The following UBE2E2 variants were observed in gnomAD, a reference collection of about 807,000 sequenced individuals.
The protein encoded by UBE2E2 is ubiquitin conjugating enzyme E2 E2.
UBE2E2 carries 6 observed loss-of-function variants against 24.7 expected under a neutral mutation model. That is an observed-to-expected ratio of 0.24 (90% CI 0.13 to 0.48). The LOEUF is 0.48. UBE2E2 is among the 20% of genes least tolerant of loss of function. The pLI is 0.99. For missense variants in UBE2E2, 169 were observed against 245.0 expected (o/e 0.69, Z 2.07); for synonymous variants, 104 against 83.6 (o/e 1.24, Z -1.33).
At chr3:23,361,643 T>C (rs1696116464) in intron 3 of UBE2E2, among the ~76,000 whole-genome samples, 1 of 152,196 alleles carries the variant, frequency 6.6e-6, no homozygotes, top group Admixed American at 6.6e-5. Context: ...TGCAAAGGCA[T>C]AAGAGTGGTA....
intron 3 of UBE2E2, among the ~76,000 whole-genome samples, chr3:23,365,891 C>G (rs1237801133): frequency 6.6e-6 from 1 of 152,126 alleles, no homozygotes; most frequent in Non-Finnish European, 1.5e-5. Context: ...ACCAAAAAAG[C>G]ACAATAGTGG....
chr3:23,537,922 G>A (rs76330483), intron 5 of UBE2E2, among the ~76,000 whole-genome samples: 132 of 151,838 alleles, frequency 8.7e-4, no homozygotes, highest in African/African-American at 2.9e-3. Context: ...TTTGGGAGCC[G>A]CTAGACTGAT....
At chr3:23,244,487 CT>C (rs1292311979) in intron 3 of UBE2E2, among the ~76,000 whole-genome samples, 8 of 152,114 alleles carry the variant, frequency 5.3e-5, no homozygotes, top group African/African-American at 1.9e-4. Flanking sequence ...AGAGGGCCAA[CT>C]TTTTATTGTT....
At chr3:23,313,849 C>A (rs975352576) in intron 3 of UBE2E2, among the ~76,000 whole-genome samples, 10 of 151,712 alleles carry the variant, frequency 6.6e-5, no homozygotes, top group Non-Finnish European at 1.2e-4. Context: ...TGCCTTCCTG[C>A]CTTCCTTTTA....
chr3:23,327,014 T>C (rs1694909275), intron 3 of UBE2E2, among the ~76,000 whole-genome samples: 1 of 152,240 alleles, frequency 6.6e-6, no homozygotes, highest in Non-Finnish European at 1.5e-5. Context: ...CATCCTTTTT[T>C]ATGGCTGCAT....
chr3:23,249,738 C>T (rs1697521017), intron 3 of UBE2E2, among the ~76,000 whole-genome samples: 1 of 151,902 alleles, frequency 6.6e-6, no homozygotes, highest in African/African-American at 2.4e-5. Context: ...TCACTGCAAG[C>T]TCTGCTTTCT....
chr3:23,239,653 A>G (rs888395916), intron 3 of UBE2E2, among the ~76,000 whole-genome samples: 1 of 152,234 alleles, frequency 6.6e-6, no homozygotes, highest in Non-Finnish European at 1.5e-5. Context: ...CCATTAAAGA[A>G]GAAGGTGAAA....
At chr3:23,361,284 C>T (rs1696106792) in intron 3 of UBE2E2, among the ~76,000 whole-genome samples, 1 of 152,200 alleles carries the variant, frequency 6.6e-6, no homozygotes, top group African/African-American at 2.4e-5. Context: ...CCTTAAAGAA[C>T]TCAAAGTAGA....
intron 5 of UBE2E2, among the ~76,000 whole-genome samples, chr3:23,588,417 T>G (rs1329230686): frequency 1.5e-5 from 2 of 135,608 alleles, no homozygotes; most frequent in African/African-American, 3.0e-5. Flanking sequence ...TTTGTTTTTT[T>G]TTTTTTGTCT....
chr3:23,367,620 A>G (rs1696294487), intron 3 of UBE2E2, among the ~76,000 whole-genome samples: 2 of 152,232 alleles, frequency 1.3e-5, no homozygotes, highest in East Asian at 1.9e-4. Context: ...TGCAGTATCT[A>G]TGTGGAAGTA....
chr3:23,480,552 C>T (rs115587185), intron 3 of UBE2E2, among the ~76,000 whole-genome samples: 4 of 152,084 alleles, frequency 2.6e-5, no homozygotes, highest in South Asian at 2.1e-4. Flanking sequence ...TGCGCCTCCC[C>T]CACTACAGCT....
At chr3:23,312,658 A>G (rs112935122) in intron 3 of UBE2E2, among the ~76,000 whole-genome samples, 362 of 151,888 alleles carry the variant, frequency 2.4e-3, no homozygotes, top group African/African-American at 8.4e-3. Flanking sequence ...AATTTCTTCT[A>G]CTAAATTTGG....
chr3:23,540,179 T>A (rs1025424875), intron 5 of UBE2E2, among the ~76,000 whole-genome samples: 1 of 152,136 alleles, frequency 6.6e-6, no homozygotes, highest in Non-Finnish European at 1.5e-5. Context: ...CCCTCCTGCT[T>A]CAGCCTCCCG....
At chr3:23,382,518 A>C (rs545597214) in intron 3 of UBE2E2, among the ~76,000 whole-genome samples, 1 of 152,282 alleles carries the variant, frequency 6.6e-6, no homozygotes, top group South Asian at 2.1e-4. Context: ...TTACTATATG[A>C]GCGTATTAAT....
intron 3 of UBE2E2, among the ~76,000 whole-genome samples, chr3:23,304,250 G>A (rs533399075): frequency 3.9e-5 from 6 of 152,100 alleles, no homozygotes; most frequent in Admixed American, 6.6e-5. Flanking sequence ...AATAAAGATC[G>A]TGGAATCAAA....
intron 3 of UBE2E2, among the ~76,000 whole-genome samples, chr3:23,329,928 AAGT>A (rs1281693120): frequency 6.6e-6 from 1 of 152,234 alleles, no homozygotes; most frequent in Non-Finnish European, 1.5e-5. Flanking sequence ...CAAGAATAAA[AAGT>A]ATTACAAAGC....
chr3:23,378,862 GCCTA>G (rs986184928), intron 3 of UBE2E2, among the ~76,000 whole-genome samples: 12 of 151,998 alleles, frequency 7.9e-5, no homozygotes, highest in African/African-American at 2.9e-4. Flanking sequence ...TACCTGTTTG[GCCTA>G]CCTAATTTTT....
chr3:23,470,424 A>G (rs1224661992), intron 3 of UBE2E2, among the ~76,000 whole-genome samples: 1 of 152,216 alleles, frequency 6.6e-6, no homozygotes, highest in East Asian at 1.9e-4. Context: ...GAATCTAACC[A>G]TATCTTCCTC....
intron 3 of UBE2E2, among the ~76,000 whole-genome samples, chr3:23,237,927 C>T (rs983417778): frequency 6.6e-6 from 1 of 152,056 alleles, no homozygotes; most frequent in Non-Finnish European, 1.5e-5. Context: ...TATACAAACT[C>T]TTGAGGGGAA....
Sources: gnomAD v4.1 joint callset for allele counts (sites outside exome capture counted in the v4.1 genomes callset) on GRCh38, gnomAD v4.1.1 for gene constraint, MANE v1.5 for transcripts, NCBI Gene and HGNC (gene_info 2026-07-23, HGNC 2026-07-21) for gene names.